Variants in MSRA observed in about 807,000 individuals in gnomAD.
The protein encoded by MSRA is mitochondrial peptide methionine sulfoxide reductase.
A neutral mutation model predicts 31.3 loss-of-function variants in MSRA; 54 were observed. The ratio of observed to expected loss-of-function variants is 1.73; its 90% confidence interval spans 1.39 to 2.17. The LOEUF (loss-of-function observed/expected upper bound fraction) is 2.17, where lower values mean the gene tolerates loss of function less well. Ranked by LOEUF, MSRA falls within the 30% of genes most tolerant of loss-of-function variation. The pLI, the probability that MSRA is intolerant of heterozygous loss-of-function variation, is 0.00. For missense variants in MSRA, 507 were observed against 300.9 expected (o/e 1.69, Z -5.07); for synonymous variants, 169 against 116.5 (o/e 1.45, Z -2.90).
At chr8:10,159,943 T>C (rs978842141) in intron 1 of MSRA, among the ~76,000 whole-genome samples, 4 of 152,240 alleles carry the variant, frequency 2.6e-5, no homozygotes, top group Admixed American at 6.5e-5. Context: ...AAACGACTTA[T>C]AAAGTTTCCT....
At chr8:10,115,549 T>G (rs1431958303) in intron 1 of MSRA, among the ~76,000 whole-genome samples, 1 of 152,180 alleles carries the variant, frequency 6.6e-6, no homozygotes, top group Admixed American at 6.5e-5. Flanking sequence ...TTGTGGTAAT[T>G]TGTTGCCACA....
At chr8:10,222,866 A>C (rs558141654) in intron 2 of MSRA, among the ~76,000 whole-genome samples, 2 of 152,212 alleles carry the variant, frequency 1.3e-5, no homozygotes, top group East Asian at 1.9e-4. Context: ...CAAAGTTTCA[A>C]TTGGACCTGA....
chr8:10,239,477 C>T (rs1478150269), intron 2 of MSRA, among the ~76,000 whole-genome samples: 1 of 152,188 alleles, frequency 6.6e-6, no homozygotes, highest in East Asian at 1.9e-4. Context: ...TGATTTTAAG[C>T]CCATCCAATT....
At chr8:10,147,026 A>T (rs1313601012) in intron 1 of MSRA, among the ~76,000 whole-genome samples, 1 of 152,210 alleles carries the variant, frequency 6.6e-6, no homozygotes, top group Non-Finnish European at 1.5e-5. Flanking sequence ...TTACCGGCAG[A>T]GGCGAGGTGG....
chr8:10,352,064 A>G (rs1483666021), intron 5 of MSRA, among the ~76,000 whole-genome samples: 1 of 152,184 alleles, frequency 6.6e-6, no homozygotes, highest in East Asian at 1.9e-4. Flanking sequence ...GAGTTTGGAG[A>G]AGAGAGAAAT....
rs189882524 is a variant in MSRA at position 10,237,966 on chromosome 8, A to G, written c.212-7138A>G. On this transcript the variant is annotated intron_variant, in intron 2 of 5. Coordinates refer to ENST00000317173, the MANE Select transcript of MSRA (RefSeq NM_012331.5). ...GACAGCCAGAGTGATTTTGTAAAAC[A>G]TAAGTTTTATCATTTCCTCTCCCGC... Among the ~76,000 whole-genome samples, 102 of 152,124 alleles carry G rather than the reference A, an allele frequency of 6.7e-4. 1 individual carries two copies. The East Asian group carries it at 0.012, about 18-fold the overall frequency.
intron 5 of MSRA, among the ~76,000 whole-genome samples, chr8:10,405,061 G>A (rs952687704): frequency 6.6e-6 from 1 of 152,180 alleles, no homozygotes; most frequent in Non-Finnish European, 1.5e-5. Flanking sequence ...TCTGGTGGAT[G>A]TCGGACAGGA....
At chr8:10,337,722 GT>G in intron 5 of MSRA, 2 of 702,584 alleles carry the variant, frequency 2.8e-6, no homozygotes, top group Non-Finnish European at 5.2e-6. Context: ...GTGCTTCCCT[GT>G]TCTTCCTCAG....
At position 10,247,015 on chromosome 8, in the gene MSRA, A is replaced by G. The variant is rs180862054; in HGVS notation, c.331+1792A>G. On this transcript the variant is annotated intron_variant, in intron 3 of 5. Transcript: ENST00000317173. ...TTGCTAAGAAAACCTCCAAGTATCTATTGCTTTATACCTATTATCCTCAAG... is the reference window on the plus strand; with the variant it reads ...TTGCTAAGAAAACCTCCAAGTATCTGTTGCTTTATACCTATTATCCTCAAG... Among the ~76,000 whole-genome samples, 13 of 152,320 alleles carry G rather than the reference A, an allele frequency of 8.5e-5. 1 individual carries two copies. The highest frequency in any genetic ancestry group is 2.4e-4 in the African/African-American group (10 of 41,584).
At chr8:10,091,723 C>G (rs1175287390) in intron 1 of MSRA, among the ~76,000 whole-genome samples, 1 of 151,806 alleles carries the variant, frequency 6.6e-6, no homozygotes, top group Admixed American at 6.6e-5. Flanking sequence ...TCTCGTGCCT[C>G]AGCATCCCAA....
chr8:10,351,044 A>G (rs544274619), intron 5 of MSRA, among the ~76,000 whole-genome samples: 196 of 152,272 alleles, frequency 1.3e-3, no homozygotes, highest in African/African-American at 4.5e-3. Context: ...TGGAAAGAGA[A>G]CCTCGTTTAA....
At chr8:10,396,604 T>G (rs1021144293) in intron 5 of MSRA, among the ~76,000 whole-genome samples, 1 of 152,214 alleles carries the variant, frequency 6.6e-6, no homozygotes, top group Non-Finnish European at 1.5e-5. Context: ...CTAGTGTGGG[T>G]TGAAGACAGT....
chr8:10,291,960 C>T (rs185515589), intron 3 of MSRA, among the ~76,000 whole-genome samples: 310 of 152,252 alleles, frequency 2.0e-3, no homozygotes, highest in Non-Finnish European at 3.3e-3. Context: ...CATTAGTCAC[C>T]GTGGAATCCT....
chr8:10,074,498 G>C (rs997807244), intron 1 of MSRA, among the ~76,000 whole-genome samples: 5 of 152,044 alleles, frequency 3.3e-5, no homozygotes, highest in Non-Finnish European at 7.4e-5. Flanking sequence ...AAGTTTTTTT[G>C]ATCACTGAAA....
At chr8:10,413,099 C>A (rs967535669) in intron 5 of MSRA, among the ~76,000 whole-genome samples, 2 of 152,206 alleles carry the variant, frequency 1.3e-5, no homozygotes, top group Non-Finnish European at 2.9e-5. Flanking sequence ...AATGGAAACA[C>A]CACACTGAGG....
chr8:10,393,986 T>G (rs989854565), intron 5 of MSRA, among the ~76,000 whole-genome samples: 6 of 152,234 alleles, frequency 3.9e-5, no homozygotes, highest in African/African-American at 7.2e-5. Context: ...GTAAGCTTTC[T>G]GCAATCTGTG....
chr8:10,228,027 C>T (rs940223903), intron 2 of MSRA, among the ~76,000 whole-genome samples: 4 of 152,218 alleles, frequency 2.6e-5, no homozygotes, highest in African/African-American at 7.2e-5. Flanking sequence ...CTCCCCTGCT[C>T]TCTTCTTTGC....
chr8:10,101,420 T>C (rs1360747234), intron 1 of MSRA, among the ~76,000 whole-genome samples: 3 of 152,174 alleles, frequency 2.0e-5, no homozygotes, highest in Non-Finnish European at 4.4e-5. Context: ...CATTTTTAAG[T>C]GGTATCAGGT....
chr8:10,284,593 A>G (rs1799833187), intron 3 of MSRA, among the ~76,000 whole-genome samples: 1 of 152,196 alleles, frequency 6.6e-6, no homozygotes, highest in African/African-American at 2.4e-5. Flanking sequence ...CATGTCCATT[A>G]TCTCTCCTTT....
Sources: gnomAD v4.1 joint callset for allele counts (sites outside exome capture counted in the v4.1 genomes callset) on GRCh38, gnomAD v4.1.1 for gene constraint, MANE v1.5 for transcripts, NCBI Gene and HGNC (gene_info 2026-07-23, HGNC 2026-07-21) for gene names.